The following SUPT3H variants were observed in gnomAD, a reference collection of about 807,000 sequenced individuals.
SUPT3H encodes the protein transcription initiation protein SPT3 homolog.
Under a neutral mutation model 44.3 loss-of-function variants are expected in SUPT3H, and 44 were observed. The ratio of observed to expected loss-of-function variants is 0.99; its 90% CI spans 0.78 to 1.28. SUPT3H has a LOEUF of 1.28. Among genes scored for constraint, SUPT3H ranks in the 50% most tolerant of loss-of-function variants. The probability of loss-of-function intolerance (pLI) is 0.00; values close to 1 mark genes in which losing one functional copy is unlikely to be tolerated. For missense variants in SUPT3H, 380 were observed against 387.1 expected, an observed-to-expected ratio of 0.98 and a Z score of 0.15; for synonymous variants, 124 against 125.6, an observed-to-expected ratio of 0.99 and a Z score of 0.09.
At chr6:45,282,565 C>T (rs2153667552) in intron 2 of SUPT3H, among the ~76,000 whole-genome samples, 1 of 152,252 alleles carries the variant, frequency 6.6e-6, no homozygotes, top group South Asian at 2.1e-4. Context: ...AACAAAGCCT[C>T]CAAGAAATAT....
At chr6:44,974,563 C>T (rs10948190) in intron 6 of SUPT3H, among the ~76,000 whole-genome samples, 63,060 of 151,952 alleles carry the variant, frequency 0.41, 13,476 homozygotes, top group East Asian at 0.69. Flanking sequence ...GGTTTCAAAA[C>T]AGAGGCCATT....
At chr6:45,302,180 T>C (rs527697426) in intron 2 of SUPT3H, among the ~76,000 whole-genome samples, 14 of 152,106 alleles carry the variant, frequency 9.2e-5, no homozygotes, top group African/African-American at 1.9e-4. Context: ...TAGTGGTGAT[T>C]TGTGAGATTA....
At chr6:45,105,479 CAG>C (rs1799144707) in intron 3 of SUPT3H, among the ~76,000 whole-genome samples, 2 of 145,640 alleles carry the variant, frequency 1.4e-5, no homozygotes, top group Admixed American at 6.7e-5. Flanking sequence ...TGAGGTTACT[CAG>C]TGCATATAAA....
intron 2 of SUPT3H, among the ~76,000 whole-genome samples, chr6:45,171,030 G>C (rs1305959973): frequency 6.6e-6 from 1 of 152,170 alleles, no homozygotes; most frequent in Non-Finnish European, 1.5e-5. Context: ...AGCTCTCTGA[G>C]ACAGTAACAT....
chr6:45,082,164 C>T (rs1795896222), intron 3 of SUPT3H, among the ~76,000 whole-genome samples: 1 of 151,966 alleles, frequency 6.6e-6, no homozygotes, highest in South Asian at 2.1e-4. Context: ...GCCTACCAAC[C>T]AGAAAAAGCC....
intron 2 of SUPT3H, among the ~76,000 whole-genome samples, chr6:45,333,526 A>G (rs1367277183): frequency 6.6e-6 from 1 of 151,574 alleles, no homozygotes; most frequent in African/African-American, 2.4e-5. Context: ...TGTAAGCAAC[A>G]TGTTATCAAA....
intron 2 of SUPT3H, among the ~76,000 whole-genome samples, chr6:45,236,247 C>T (rs563891245): frequency 1.2e-4 from 18 of 152,046 alleles, no homozygotes; most frequent in African/African-American, 2.4e-4. Flanking sequence ...TGGAACCCAA[C>T]GTTGGGGCTC....
intron 2 of SUPT3H, among the ~76,000 whole-genome samples, chr6:45,170,406 C>T (rs1226435473): frequency 1.3e-5 from 2 of 152,128 alleles, no homozygotes; most frequent in African/African-American, 4.8e-5. Context: ...AAGAGCATAT[C>T]CCCACACTCC....
rs780674565 is a variant in SUPT3H, at chr6:45,056,063, CAT to C, written c.187-35433_187-35432del. Among the ~76,000 whole-genome samples, 4 of 152,070 alleles carry C rather than the reference CAT, an allele frequency of 2.6e-5. No homozygotes were observed. In the East Asian group the frequency reaches 7.7e-4, roughly 29 times the overall value. ...AGAATATATACAAATGATCAACAAA[CAT>C]ATGAAAAAAATGTTCAACATCACTA... is the stretch of plus-strand genomic sequence containing the variant. On this transcript the variant is annotated intron_variant, in intron 3 of 10. Transcript: ENST00000371459.
rs1255555539 is a variant in SUPT3H, at chr6:45,168,167, TCTTTTC to T, written c.102-62167_102-62162del. Among the ~76,000 whole-genome samples the T allele has an allele frequency of 2.6e-5, 4 of 152,268 alleles. No homozygotes were observed. In the South Asian group the frequency reaches 6.2e-4, roughly 24 times the overall value. ...CCTCTCACCAAAGAATCAATTATGCTCTTTTCCTTTTAGTTTGTTTGGAAAACTGTT... is the reference window on the plus strand; with the variant it reads ...CCTCTCACCAAAGAATCAATTATGCTCTTTTAGTTTGTTTGGAAAACTGTT... On this transcript the variant is annotated intron_variant, in intron 2 of 10. Coordinates refer to ENST00000371459, the MANE Select transcript of SUPT3H (RefSeq NM_003599.4).
chr6:45,371,408 T>C (rs1437484803), intron 1 of SUPT3H, among the ~76,000 whole-genome samples: 1 of 151,824 alleles, frequency 6.6e-6, no homozygotes, highest in Non-Finnish European at 1.5e-5. Context: ...TTTTTTTTTT[T>C]TTCACAATTA....
At chr6:44,909,365 T>C (rs976944849) in intron 10 of SUPT3H, among the ~76,000 whole-genome samples, 1 of 152,148 alleles carries the variant, frequency 6.6e-6, no homozygotes, top group Non-Finnish European at 1.5e-5. Context: ...ATTATACTTT[T>C]CAAGAAATTT....
chr6:44,863,406 G>A (rs956925385), intron 10 of SUPT3H, among the ~76,000 whole-genome samples: 3 of 152,198 alleles, frequency 2.0e-5, no homozygotes, highest in Non-Finnish European at 2.9e-5. Context: ...AGAGGAGGTG[G>A]TGTTCCTATT....
intron 2 of SUPT3H, among the ~76,000 whole-genome samples, chr6:45,350,678 T>C (rs921068961): frequency 1.3e-5 from 2 of 152,208 alleles, no homozygotes; most frequent in African/African-American, 4.8e-5. Flanking sequence ...GTCATAATCA[T>C]ATTACTATGC....
At chr6:45,175,013 A>T (rs1811468650) in intron 2 of SUPT3H, among the ~76,000 whole-genome samples, 1 of 36,034 alleles carries the variant, frequency 2.8e-5, no homozygotes. Flanking sequence ...CCTCGTCACT[A>T]AAAAAAAAAA....
intron 2 of SUPT3H, among the ~76,000 whole-genome samples, chr6:45,208,702 C>A (rs950568061): frequency 2.2e-5 from 3 of 138,362 alleles, no homozygotes; most frequent in Admixed American, 7.7e-5. Context: ...CCAGCCTGGG[C>A]AACACAGCAA....
At chr6:44,840,443 A>G (rs1338028399) in intron 10 of SUPT3H, among the ~76,000 whole-genome samples, 3 of 152,212 alleles carry the variant, frequency 2.0e-5, no homozygotes, top group Non-Finnish European at 4.4e-5. Flanking sequence ...GCTAATGCAC[A>G]AGTAGCTGCC....
chr6:45,111,675 T>C (rs1312487834), intron 2 of SUPT3H, among the ~76,000 whole-genome samples: 2 of 152,170 alleles, frequency 1.3e-5, no homozygotes, highest in Admixed American at 6.5e-5. Flanking sequence ...AAATAGCATA[T>C]GGGAAATTTA....
chr6:45,019,766 C>A (rs1478279814), intron 4 of SUPT3H, among the ~76,000 whole-genome samples: 1 of 151,998 alleles, frequency 6.6e-6, no homozygotes, highest in Non-Finnish European at 1.5e-5. Flanking sequence ...TCCATCTAAT[C>A]ATACAACCTT....
Sources: allele counts gnomAD v4.1 joint callset (sites outside exome capture counted in the v4.1 genomes callset), GRCh38; gene constraint gnomAD v4.1.1; transcripts MANE v1.5; gene names NCBI Gene and HGNC (gene_info 2026-07-23, HGNC 2026-07-21).